Variants in NELL1 observed in about 807,000 individuals in gnomAD.
The protein encoded by NELL1 is protein kinase C-binding protein NELL1.
In NELL1, 76 loss-of-function variants were observed where a neutral mutation model predicts 107.4. The ratio of observed to expected loss-of-function variants is 0.71; its 90% CI spans 0.59 to 0.86. NELL1 has a LOEUF of 0.86. Among genes scored for constraint, NELL1 ranks in the 40% least tolerant of loss-of-function variants. The probability of loss-of-function intolerance (pLI) is 0.00; values close to 1 mark genes in which losing one functional copy is unlikely to be tolerated. For missense variants in NELL1, 1,024 were observed against 1,005.5 expected (o/e 1.02, Z -0.25); for synonymous variants, 353 against 341.2 (o/e 1.03, Z -0.38).
intron 2 of NELL1, among the ~76,000 whole-genome samples, chr11:20,718,101 G>T (rs1855295397): frequency 6.6e-6 from 1 of 152,108 alleles, no homozygotes; most frequent in African/African-American, 2.4e-5. Context: ...AAAAGGAGAG[G>T]GTTGAATTAA....
At chr11:20,700,042 A>AG (rs1854732876) in intron 2 of NELL1, among the ~76,000 whole-genome samples, 1 of 40,620 alleles carries the variant, frequency 2.5e-5, no homozygotes, top group South Asian at 4.7e-4. Context: ...GGGACGTAGA[A>AG]CTTTTTTTTT....
At chr11:21,323,537 G>A (rs1325447719) in intron 14 of NELL1, among the ~76,000 whole-genome samples, 4 of 151,900 alleles carry the variant, frequency 2.6e-5, no homozygotes, top group African/African-American at 9.7e-5. Flanking sequence ...TATCTATTGG[G>A]TTTTCCACTT....
At chr11:21,039,388 G>A (rs1030937202) in intron 12 of NELL1, among the ~76,000 whole-genome samples, 1 of 152,138 alleles carries the variant, frequency 6.6e-6, no homozygotes, top group African/African-American at 2.4e-5. Flanking sequence ...GTTTCACCAT[G>A]TTGGCTAGGC....
intron 2 of NELL1, among the ~76,000 whole-genome samples, chr11:20,765,170 A>T (rs199673393): frequency 3.0e-5 from 3 of 101,404 alleles, no homozygotes; most frequent in Non-Finnish European, 4.3e-5. Context: ...TTAAAAAAAA[A>T]AAATAAAATG....
At chr11:20,935,900 T>C (rs1241572966) in intron 9 of NELL1, 1 of 152,376 alleles carries the variant, frequency 6.6e-6, no homozygotes, top group African/African-American at 2.4e-5. Context: ...CACTAGGGTG[T>C]GGGAGCTGGG....
chr11:21,503,079 C>G (rs904490606), intron 15 of NELL1, among the ~76,000 whole-genome samples: 5 of 152,048 alleles, frequency 3.3e-5, no homozygotes, highest in African/African-American at 1.2e-4. Context: ...CGGGGTTTCT[C>G]CATGTTGGTC....
chr11:20,728,266 C>G (rs952973192), intron 2 of NELL1, among the ~76,000 whole-genome samples: 1 of 152,038 alleles, frequency 6.6e-6, no homozygotes, highest in Non-Finnish European at 1.5e-5. Flanking sequence ...TGTCTGTTTA[C>G]TCTGTTGATA....
At position 20,725,100 on chromosome 11, in the gene NELL1, A is replaced by G. The variant is rs148335212; in HGVS notation, c.184+47040A>G. Among the ~76,000 whole-genome samples, 510 of 152,320 alleles carry G rather than the reference A, an allele frequency of 3.3e-3. 2 individuals are homozygous for G. The highest frequency in any genetic ancestry group is 0.012 in the African/African-American group (487 of 41,560). ...CTCAACATGTGGGGATTATAATTTG[A>G]GATGAGATTTGGGTGGGGACACAGA... is the stretch of plus-strand genomic sequence containing the variant. On this transcript the variant is annotated intron_variant, in intron 2 of 19. Coordinates refer to ENST00000357134, the MANE Select transcript of NELL1 (RefSeq NM_006157.5).
chr11:20,715,212 G>T (rs1438843739), intron 2 of NELL1, among the ~76,000 whole-genome samples: 4 of 151,876 alleles, frequency 2.6e-5, no homozygotes, highest in African/African-American at 9.7e-5. Context: ...GCCATTGCAT[G>T]CCAGCCTGGG....
intron 15 of NELL1, among the ~76,000 whole-genome samples, chr11:21,489,398 A>AAAAAAAAAAAAAAAAAAAC: frequency 6.8e-6 from 1 of 146,420 alleles, no homozygotes; most frequent in Non-Finnish European, 1.5e-5. Context: ...AAAAAAAAAA[A>AAAAAAAAAAAAAAAAAAAC]AAAAAAAAAA....
chr11:20,802,428 C>T (rs571459582), intron 3 of NELL1, among the ~76,000 whole-genome samples: 1 of 150,154 alleles, frequency 6.7e-6, no homozygotes, highest in Admixed American at 6.6e-5. Context: ...TTGTATCCTA[C>T]AAGTTTACTG....
At chr11:21,062,224 A>G (rs1362279482) in intron 12 of NELL1, among the ~76,000 whole-genome samples, 1 of 152,226 alleles carries the variant, frequency 6.6e-6, no homozygotes, top group Non-Finnish European at 1.5e-5. Flanking sequence ...TTTAGTGTTG[A>G]TTATAACTTA....
chr11:21,223,439 T>G (rs1229424859), intron 13 of NELL1, among the ~76,000 whole-genome samples: 1 of 152,180 alleles, frequency 6.6e-6, no homozygotes, highest in African/African-American at 2.4e-5. Flanking sequence ...CCCTTTACTT[T>G]TAGATGGTGT....
chr11:20,755,558 T>TATTTTTTTTTATTTTTTA (rs1564895070), intron 2 of NELL1, among the ~76,000 whole-genome samples: 1 of 16,432 alleles, frequency 6.1e-5, no homozygotes, highest in African/African-American at 1.1e-4. Context: ...TTGTTTTTGT[T>TATTTTTTTTTATTTTTTA]TTTGTTTTTT....
At position 20,929,436 on chromosome 11, in the gene NELL1, C is replaced by CTT. The variant is rs562139864; in HGVS notation, c.997+970_997+971dup. The stretch of plus-strand genomic sequence containing the variant: ...TTCAAAAAGGAACTTTGTAATCTTC[C>CTT]TTTTTTTTTTTTTTATGGTTGGCAC... On this transcript the variant is annotated intron_variant, in intron 9 of 19. Transcript: ENST00000357134. Among the ~76,000 whole-genome samples the CTT allele has an allele frequency of 2.9e-3, 417 of 142,972 alleles. 2 individuals carry two copies. Among genetic ancestry groups the CTT allele is most frequent in the African/African-American group, 9.8e-3 (382 of 39,088 alleles). The allele number at this position is 142,972 out of a possible 152,430, so 93.8% of individuals were successfully genotyped here.
chr11:20,948,776 A>C (rs1052863153), intron 11 of NELL1, among the ~76,000 whole-genome samples: 1 of 151,660 alleles, frequency 6.6e-6, no homozygotes, highest in Non-Finnish European at 1.5e-5. Flanking sequence ...AAAAAAAAAA[A>C]AAAAAAAAAA....
chr11:21,255,332 G>GA (rs1430703083), intron 14 of NELL1, among the ~76,000 whole-genome samples: 1 of 152,020 alleles, frequency 6.6e-6, no homozygotes, highest in East Asian at 1.9e-4. Context: ...TTTAGTGATG[G>GA]AAAAGCAGAG....
At chr11:20,792,859 T>G (rs1397582331) in intron 3 of NELL1, among the ~76,000 whole-genome samples, 5 of 151,978 alleles carry the variant, frequency 3.3e-5, no homozygotes, top group African/African-American at 1.2e-4. Context: ...TATTAAACAT[T>G]TAAATGTTTT....
chr11:20,937,238 A>G (rs1001764797), intron 9 of NELL1, among the ~76,000 whole-genome samples: 5 of 152,142 alleles, frequency 3.3e-5, no homozygotes, highest in African/African-American at 9.7e-5. Context: ...ACCTTTCCAA[A>G]GGCATTCTCT....
Sources: allele counts gnomAD v4.1 joint callset (sites outside exome capture counted in the v4.1 genomes callset), GRCh38; gene constraint gnomAD v4.1.1; transcripts MANE v1.5; gene names NCBI Gene and HGNC (gene_info 2026-07-23, HGNC 2026-07-21).